The following KIF16B variants were observed in gnomAD, a reference collection of about 807,000 sequenced individuals.
KIF16B encodes the protein kinesin-like protein KIF16B.
Under a neutral mutation model 156.3 loss-of-function variants are expected in KIF16B, and 98 were observed. The observed-to-expected ratio is 0.63, with a 90% CI of 0.53 to 0.74. The LOEUF (loss-of-function observed/expected upper bound fraction) is 0.74. KIF16B is among the 30% of genes least tolerant of loss of function. The pLI is 0.00. For missense variants in KIF16B, 1,421 were observed against 1,606.5 expected (o/e 0.88, Z 1.97); for synonymous variants, 564 against 583.7 (o/e 0.97, Z 0.49).
chr20:16,552,086 C>T (rs2070689672), intron 1 of KIF16B, among the ~76,000 whole-genome samples: 1 of 152,190 alleles, frequency 6.6e-6, no homozygotes, highest in Non-Finnish European at 1.5e-5. Context: ...ATCACTCTTC[C>T]ACTCTTTTGT....
rs750579207 is a variant in KIF16B, at chr20:16,429,887, A to C, written c.1398T>G (p.Thr466=). The part of the protein sequence containing the change: ...LIGIDDDLLS[T]GIILYHLKEG... Reference sequence around the variant, plus strand: ...CCTTTAAATGATATAAGATGATTCCAGTACTCAAAAGGTCATCATCGATGC... The same window carrying C: ...CCTTTAAATGATATAAGATGATTCCCGTACTCAAAAGGTCATCATCGATGC... The change falls in exon 13 of 26, where the codon ACT becomes ACG. Residue 466 remains threonine, a synonymous_variant. Coordinates refer to ENST00000354981, the MANE Select transcript of KIF16B (RefSeq NM_024704.5). 6.2e-7 allele frequency: 1 copy of C among 1,611,782 alleles called. No individual in the cohort carries two copies. Among genetic ancestry groups the C allele is most frequent in the South Asian group, 1.1e-5 (1 of 90,672 alleles).
rs570957365 is a variant in KIF16B at position 16,289,830 on chromosome 20, GA to G, written c.3796-16420del. ...CACTCCAACCTGGGTGACAGAGCCA[GA>G]CTCCGTCTCAAAAACAAACAAAGAA... On this transcript the variant is annotated intron_variant, in intron 25 of 25. Coordinates refer to ENST00000354981, the MANE Select transcript of KIF16B (RefSeq NM_024704.5). 1.4e-4 allele frequency among the ~76,000 whole-genome samples: 22 copies of G among 152,330 alleles called. No homozygotes were observed. The East Asian group carries it at 4.1e-3, about 28-fold the overall frequency.
intron 23 of KIF16B, among the ~76,000 whole-genome samples, chr20:16,347,361 T>A (rs193015431): frequency 6.6e-6 from 1 of 152,146 alleles, no homozygotes; most frequent in African/African-American, 2.4e-5. Context: ...TATAATCTTA[T>A]AATAAAAAAA....
chr20:16,305,985 T>G (rs4563306), intron 25 of KIF16B, among the ~76,000 whole-genome samples: 22,179 of 152,200 alleles, frequency 0.15, 1,725 homozygotes, highest in Admixed American at 0.16. Flanking sequence ...TTCTTCCTGC[T>G]TTCTGGATAA....
At chr20:16,284,102 G>A (rs1306507911) in intron 25 of KIF16B, among the ~76,000 whole-genome samples, 1 of 152,194 alleles carries the variant, frequency 6.6e-6, no homozygotes, top group Admixed American at 6.5e-5. Context: ...GAGAGGGCTC[G>A]CATGCTTGAT....
At chr20:16,494,130 A>G (rs1313237082) in intron 12 of KIF16B, among the ~76,000 whole-genome samples, 161 bp downstream of exon 12, 1 of 152,070 alleles carries the variant, frequency 6.6e-6, no homozygotes, top group Non-Finnish European at 1.5e-5. Flanking sequence ...ACTCTTCAAA[A>G]TCAAACCAGA....
intron 17 of KIF16B, among the ~76,000 whole-genome samples, chr20:16,389,075 T>C (rs1223062601): frequency 6.6e-6 from 1 of 152,114 alleles, no homozygotes; most frequent in Non-Finnish European, 1.5e-5. Context: ...ATTGGTAAAG[T>C]TCCTGGCATG....
intron 4 of KIF16B, 51 bp downstream of exon 4, chr20:16,515,497 C>T (rs761472194): frequency 2.1e-5 from 20 of 939,010 alleles, no homozygotes; most frequent in East Asian, 1.9e-4. Flanking sequence ...TTCTACCAGT[C>T]CAGAGAAAGA....
chr20:16,414,887 T>C (rs1019706665), intron 15 of KIF16B, among the ~76,000 whole-genome samples: 3 of 152,132 alleles, frequency 2.0e-5, no homozygotes, highest in African/African-American at 7.2e-5. Flanking sequence ...CAGTACAGTA[T>C]TCAACAAATT....
At chr20:16,346,058 T>C (rs2064228295) in intron 23 of KIF16B, among the ~76,000 whole-genome samples, 2 of 152,292 alleles carry the variant, frequency 1.3e-5, no homozygotes, top group East Asian at 1.9e-4. Flanking sequence ...AAGGGAACAG[T>C]TGCCATCTGG....
In KIF16B at chr20:16,379,535, G is replaced by C; in HGVS notation, c.2467C>G (p.Leu823Val). ...CTTCTCTTGAATTCGAAGAAACGCA[G>C]TTGAGCCTTTTCTAACTCCTCGCCA... ...EDGEELEKAQ[L>V]RFFEFKRRQL... Residue 823 changes from leucine to valine, a missense_variant, in exon 19 of 26, where the codon CTG (leucine) becomes GTG (valine). Transcript: ENST00000354981. 6.2e-7 allele frequency: 1 copy of C among 1,614,138 alleles called. No individual in the cohort carries two copies. Among genetic ancestry groups the C allele is most frequent in the Non-Finnish European group, 8.5e-7 (1 of 1,180,024 alleles).
intron 1 of KIF16B, among the ~76,000 whole-genome samples, chr20:16,545,746 C>CATTA (rs1479006569): frequency 6.6e-6 from 1 of 152,178 alleles, no homozygotes; most frequent in Non-Finnish European, 1.5e-5. Flanking sequence ...TGGATTCAGA[C>CATTA]ATTAAATCGA....
rs1284700106 is a variant in KIF16B, at chr20:16,335,926, C to T, written c.3711G>A (p.Glu1237=). 17 of 1,568,954 alleles carry T rather than the reference C, an allele frequency of 1.1e-5. No homozygotes were observed. The highest frequency in any genetic ancestry group is 1.5e-5 in the Non-Finnish European group (17 of 1,142,218). The stretch of plus-strand genomic sequence containing the variant: ...CGGAGATAATAATTTCATAACTTAC[C>T]TCTGCATACTTTAACTTCAATGTTT... ...MHKTLKLKYA[E]LAALEFPPKK... Residue 1237 remains glutamate (E), a splice_region_variant and synonymous_variant, in exon 24 of 26, where the codon GAG becomes GAA. Coordinates refer to ENST00000354981, the MANE Select transcript of KIF16B (RefSeq NM_024704.5).
chr20:16,294,162 T>A (rs2063350732), intron 25 of KIF16B, among the ~76,000 whole-genome samples: 1 of 152,186 alleles, frequency 6.6e-6, no homozygotes, highest in African/African-American at 2.4e-5. Flanking sequence ...AGCATTGATT[T>A]TAAAAATGTC....
intron 23 of KIF16B, among the ~76,000 whole-genome samples, chr20:16,347,012 C>G (rs2064246384): frequency 6.6e-6 from 1 of 152,164 alleles, no homozygotes; most frequent in African/African-American, 2.4e-5. Flanking sequence ...AGCCCAGCAA[C>G]TTATTAGTCG....
intron 1 of KIF16B, among the ~76,000 whole-genome samples, chr20:16,564,413 CA>C (rs1467294918): frequency 6.6e-6 from 1 of 151,590 alleles, no homozygotes. Flanking sequence ...ATCGCAAGGA[CA>C]AAAAACCAAA....
At chr20:16,433,586 CACACACACACACAGAG>C (rs2066562414) in intron 12 of KIF16B, among the ~76,000 whole-genome samples, 1 of 151,682 alleles carries the variant, frequency 6.6e-6, no homozygotes, top group Non-Finnish European at 1.5e-5. Flanking sequence ...TGTAGACACA[CACACACACACACAGAG>C]ACACACACAC....
intron 17 of KIF16B, among the ~76,000 whole-genome samples, chr20:16,386,716 G>A (rs905825579): frequency 1.3e-5 from 2 of 152,024 alleles, no homozygotes; most frequent in African/African-American, 2.4e-5. Context: ...GGGCAGGAAA[G>A]GAAAGGGTAG....
chr20:16,529,820 G>A (rs1049428268), intron 1 of KIF16B, among the ~76,000 whole-genome samples: 3 of 152,090 alleles, frequency 2.0e-5, no homozygotes, highest in Admixed American at 6.5e-5. Flanking sequence ...CCATGGTGGC[G>A]CATGCCTGTA....
Sources: allele counts gnomAD v4.1 joint callset (sites outside exome capture counted in the v4.1 genomes callset), GRCh38; gene constraint gnomAD v4.1.1; transcripts MANE v1.5; gene names NCBI Gene and HGNC (gene_info 2026-07-23, HGNC 2026-07-21).